SLC35F3: variants seen among roughly 807,000 people sequenced by gnomAD.
The protein encoded by SLC35F3 is putative thiamine transporter SLC35F3.
In SLC35F3, 25 loss-of-function variants were observed where a neutral mutation model predicts 49.9. That is an observed-to-expected ratio of 0.50 (90% CI 0.37 to 0.70). The LOEUF is 0.70. Ranked by LOEUF, SLC35F3 falls within the 30% of genes least tolerant of loss-of-function variation. The pLI, the probability that SLC35F3 is intolerant of heterozygous loss-of-function variation, is 0.00. For missense variants in SLC35F3, 525 were observed against 639.8 expected (o/e 0.82, Z 1.94); for synonymous variants, 275 against 265.4 (o/e 1.04, Z -0.35).
chr1:233,964,196 T>C (rs1196850875), intron 2 of SLC35F3, among the ~76,000 whole-genome samples: 4 of 152,158 alleles, frequency 2.6e-5, no homozygotes, highest in Non-Finnish European at 5.9e-5. Flanking sequence ...TCTGAATTCT[T>C]CCCAGGTGTG....
In SLC35F3 at chr1:234,309,122, A is replaced by C; in HGVS notation, c.630A>C (p.Gly210=). ...TTAGGGAATGCTGTCGATTTTTTGG[A>C]GACAATGGCTTGACTTTGAAGGTGT... ...QRYRECCRFF[G]DNGLTLKVFF... The change falls in exon 4 of 8, where the codon GGA becomes GGC. Residue 210 remains glycine, a synonymous_variant. Coordinates refer to ENST00000366618, the MANE Select transcript of SLC35F3 (RefSeq NM_173508.4). 6.2e-7 allele frequency: 1 copy of C among 1,613,804 alleles called. No homozygotes were observed. The highest frequency in any genetic ancestry group is 1.7e-5 in the Admixed American group (1 of 60,000).
At chr1:234,110,957 CTTAT>C (rs928958748) in intron 2 of SLC35F3, among the ~76,000 whole-genome samples, 47 of 151,994 alleles carry the variant, frequency 3.1e-4, no homozygotes, top group African/African-American at 1.1e-3. Context: ...TGAGAAGACT[CTTAT>C]TTTTGTAATT....
At chr1:234,227,021 G>A (rs1449329537) in intron 2 of SLC35F3, among the ~76,000 whole-genome samples, 2 of 150,590 alleles carry the variant, frequency 1.3e-5, no homozygotes, top group Non-Finnish European at 2.9e-5. Flanking sequence ...AACAGAACTG[G>A]GATGAACCCG....
At chr1:234,119,714 G>A (rs1665544965) in intron 2 of SLC35F3, among the ~76,000 whole-genome samples, 1 of 152,176 alleles carries the variant, frequency 6.6e-6, no homozygotes, top group Non-Finnish European at 1.5e-5. Flanking sequence ...TGTTTTATCT[G>A]TGCCAGCTAG....
chr1:234,107,638 C>T (rs1369674688), intron 2 of SLC35F3, among the ~76,000 whole-genome samples: 4 of 98,534 alleles, frequency 4.1e-5, no homozygotes, highest in Middle Eastern at 0.01. Context: ...TTACATAGAG[C>T]TCCTGGCTCT....
intron 2 of SLC35F3, among the ~76,000 whole-genome samples, chr1:234,024,505 A>G (rs1369535459): frequency 6.6e-6 from 1 of 152,210 alleles, no homozygotes; most frequent in Non-Finnish European, 1.5e-5. Flanking sequence ...TCTTACAGTT[A>G]TGGAGGCTCA....
At chr1:234,110,905 A>T (rs1281050594) in intron 2 of SLC35F3, among the ~76,000 whole-genome samples, 1 of 152,236 alleles carries the variant, frequency 6.6e-6, no homozygotes, top group Non-Finnish European at 1.5e-5. Context: ...GTGGATCCAC[A>T]TTATGGAATT....
At chr1:233,932,706 G>A (rs1662264895) in intron 2 of SLC35F3, among the ~76,000 whole-genome samples, 1 of 152,194 alleles carries the variant, frequency 6.6e-6, no homozygotes, top group Admixed American at 6.5e-5. Flanking sequence ...GATCCTTGAT[G>A]GATCAGTTGT....
At chr1:234,058,405 C>T (rs1664489009) in intron 2 of SLC35F3, among the ~76,000 whole-genome samples, 1 of 124,048 alleles carries the variant, frequency 8.1e-6, no homozygotes, top group African/African-American at 3.1e-5. Flanking sequence ...AGTGCAGTGA[C>T]ATGAGCATGA....
intron 3 of SLC35F3, among the ~76,000 whole-genome samples, chr1:234,285,782 G>A (rs868571460): frequency 2.0e-5 from 3 of 152,154 alleles, no homozygotes; most frequent in East Asian, 1.9e-4. Flanking sequence ...GAGGGGTAGC[G>A]GGAGAATGTG....
At chr1:234,219,055 C>CAAAAAAAAAA (rs60342594) in intron 2 of SLC35F3, among the ~76,000 whole-genome samples, 1 of 55,284 alleles carries the variant, frequency 1.8e-5, no homozygotes, top group Non-Finnish European at 3.3e-5. Context: ...GACTCCATCT[C>CAAAAAAAAAA]AAAAAAAAAA....
Position 234,208,333 on chromosome 1 carries a change from T to G in SLC35F3, c.284-23084T>G, listed in dbSNP as rs1298634028. Among the ~76,000 whole-genome samples the G allele has an allele frequency of 7.9e-5, 12 of 152,326 alleles. No individual in the cohort carries two copies. In the East Asian group the frequency reaches 2.3e-3, roughly 29 times the overall value. ...GGAATGAATAGACCAGAGGCCCCTGTAGATGTCGTACATGTGAACCAGTCC... is the reference window on the plus strand; with the variant it reads ...GGAATGAATAGACCAGAGGCCCCTGGAGATGTCGTACATGTGAACCAGTCC... On this transcript the variant is annotated intron_variant, in intron 2 of 7. Coordinates refer to ENST00000366618, the MANE Select transcript of SLC35F3 (RefSeq NM_173508.4).
chr1:233,967,698 T>G (rs1662925301), intron 2 of SLC35F3, among the ~76,000 whole-genome samples: 1 of 152,176 alleles, frequency 6.6e-6, no homozygotes, highest in Admixed American at 6.5e-5. Flanking sequence ...AAAAGTAGAT[T>G]TAATTTAGTC....
chr1:233,944,377 C>T (rs1662480040), intron 2 of SLC35F3, among the ~76,000 whole-genome samples: 1 of 152,130 alleles, frequency 6.6e-6, no homozygotes, highest in Admixed American at 6.5e-5. Context: ...ATAAGGCTGT[C>T]AGTACCAGTT....
At chr1:234,043,715 A>T (rs1039405277) in intron 2 of SLC35F3, among the ~76,000 whole-genome samples, 1 of 152,258 alleles carries the variant, frequency 6.6e-6, no homozygotes, top group Admixed American at 6.5e-5. Flanking sequence ...ACATCAGTAG[A>T]TAAATATAAT....
At chr1:234,235,839 G>A (rs143925872) in intron 3 of SLC35F3, among the ~76,000 whole-genome samples, 5 of 152,284 alleles carry the variant, frequency 3.3e-5, no homozygotes, top group East Asian at 1.9e-4. Flanking sequence ...GCAAGGGCCC[G>A]GTGTGTGTAC....
At chr1:234,236,527 A>G (rs1378342299) in intron 3 of SLC35F3, among the ~76,000 whole-genome samples, 1 of 152,188 alleles carries the variant, frequency 6.6e-6, no homozygotes, top group Non-Finnish European at 1.5e-5. Context: ...GGTCAAGAAC[A>G]TTCTAAGCAG....
intron 3 of SLC35F3, among the ~76,000 whole-genome samples, chr1:234,298,274 G>A (rs12748153): frequency 0.28 from 43,023 of 152,044 alleles, 6,552 homozygotes; most frequent in Admixed American, 0.42. Flanking sequence ...AGGGTGTCTG[G>A]GAAGGTCTCT....
At chr1:234,105,444 T>C (rs1665272490) in intron 2 of SLC35F3, among the ~76,000 whole-genome samples, 1 of 152,196 alleles carries the variant, frequency 6.6e-6, no homozygotes, top group Admixed American at 6.5e-5. Context: ...GTGTTCTGTA[T>C]ATCCAGTTGT....
Sources: allele counts gnomAD v4.1 joint callset (sites outside exome capture counted in the v4.1 genomes callset), GRCh38; gene constraint gnomAD v4.1.1; transcripts MANE v1.5; gene names NCBI Gene and HGNC (gene_info 2026-07-23, HGNC 2026-07-21).